ENTREP2: variants seen among roughly 807,000 people sequenced by gnomAD.
The protein encoded by ENTREP2 is protein ENTREP2.
the ENTREP2 span, among the ~76,000 whole-genome samples, chr15:29,141,602 C>A: frequency 6.6e-6 from 1 of 152,220 alleles, no homozygotes; most frequent in Non-Finnish European, 1.5e-5. Context: ...CTGCCCAGCA[C>A]CCACTCTCCC....
the ENTREP2 span, among the ~76,000 whole-genome samples, chr15:29,318,296 T>A: frequency 4.3e-4 from 65 of 149,500 alleles, 2 homozygotes; most frequent in African/African-American, 1.6e-3. Flanking sequence ...GAAGTATTTT[T>A]AAATTAAGGT....
At chr15:29,446,502 A>C in the ENTREP2 span, among the ~76,000 whole-genome samples, 1 of 152,232 alleles carries the variant, frequency 6.6e-6, no homozygotes, top group East Asian at 1.9e-4. Context: ...CAATACGCAC[A>C]GAGCAAAGCC....
chr15:29,598,841 C>A, the ENTREP2 span, among the ~76,000 whole-genome samples: 1 of 152,262 alleles, frequency 6.6e-6, no homozygotes, highest in East Asian at 1.9e-4. Flanking sequence ...GGACTACAGG[C>A]GCCCGCCACC....
chr15:29,159,276 C>T, the ENTREP2 span, among the ~76,000 whole-genome samples: 1 of 151,888 alleles, frequency 6.6e-6, no homozygotes, highest in Non-Finnish European at 1.5e-5. Context: ...TCTGAAGTTG[C>T]TCATTCCTCC....
chr15:29,217,123 G>A, the ENTREP2 span, among the ~76,000 whole-genome samples: 1 of 152,196 alleles, frequency 6.6e-6, no homozygotes, highest in Non-Finnish European at 1.5e-5. Flanking sequence ...ACAATTACAA[G>A]GTGATAGGCC....
the ENTREP2 span, among the ~76,000 whole-genome samples, chr15:29,138,922 G>C: frequency 6.6e-6 from 1 of 152,096 alleles, no homozygotes; most frequent in African/African-American, 2.4e-5. Flanking sequence ...CCCAGAACAG[G>C]TGAGCCAGGG....
At chr15:29,150,441 A>T in the ENTREP2 span, among the ~76,000 whole-genome samples, 3 of 152,242 alleles carry the variant, frequency 2.0e-5, no homozygotes, top group Admixed American at 6.5e-5. Context: ...TAGTTCTGTA[A>T]GTTTGGTCAA....
chr15:29,134,891 G>A, the ENTREP2 span, among the ~76,000 whole-genome samples: 2 of 152,158 alleles, frequency 1.3e-5, no homozygotes, highest in African/African-American at 4.8e-5. Context: ...CTGTGCTAGG[G>A]TGTCTTTACA....
At chr15:29,534,609 T>C in the ENTREP2 span, among the ~76,000 whole-genome samples, 1 of 152,208 alleles carries the variant, frequency 6.6e-6, no homozygotes, top group East Asian at 1.9e-4. Flanking sequence ...AAAATTCTTT[T>C]GAGGGCATGA....
chr15:29,346,758 C>A, the ENTREP2 span, among the ~76,000 whole-genome samples: 1 of 152,062 alleles, frequency 6.6e-6, no homozygotes, highest in Non-Finnish European at 1.5e-5. Context: ...AGTGAGTTTT[C>A]TTTTTTTAAA....
the ENTREP2 span, among the ~76,000 whole-genome samples, chr15:29,561,173 C>A: frequency 1.7e-4 from 25 of 150,142 alleles, no homozygotes; most frequent in Non-Finnish European, 2.5e-4. Context: ...ACAGCCATTA[C>A]GGAAAACAGC....
chr15:29,341,321 G>A, the ENTREP2 span, among the ~76,000 whole-genome samples: 4 of 152,126 alleles, frequency 2.6e-5, no homozygotes, highest in South Asian at 2.1e-4. Flanking sequence ...TTCAACATTC[G>A]ATCAGTTATT....
chr15:29,308,707 T>G, the ENTREP2 span, among the ~76,000 whole-genome samples: 1 of 152,346 alleles, frequency 6.6e-6, no homozygotes, highest in East Asian at 1.9e-4. Flanking sequence ...TAGAATGACG[T>G]TGAAGATGTT....
At chr15:29,572,446 T>C in the ENTREP2 span, among the ~76,000 whole-genome samples, 1 of 152,182 alleles carries the variant, frequency 6.6e-6, no homozygotes, top group South Asian at 2.1e-4. Flanking sequence ...CAGGAAGTTA[T>C]GTTCGCATTT....
At chr15:29,237,764 T>C in the ENTREP2 span, among the ~76,000 whole-genome samples, 2 of 151,198 alleles carry the variant, frequency 1.3e-5, no homozygotes, top group African/African-American at 4.9e-5. Flanking sequence ...TCTTAAATGA[T>C]TCAACTAGAG....
At chr15:29,548,207 T>C in the ENTREP2 span, among the ~76,000 whole-genome samples, 67,109 of 151,788 alleles carry the variant, frequency 0.44, 15,830 homozygotes, top group African/African-American at 0.62. Flanking sequence ...GTAGTCCCAG[T>C]GCTTTGGGAG....
At chr15:29,601,936 T>C in the ENTREP2 span, among the ~76,000 whole-genome samples, 2,243 of 152,322 alleles carry the variant, frequency 0.015, 74 homozygotes, top group African/African-American at 0.051. Flanking sequence ...CTGACTGTGG[T>C]GCGCATCTGT....
chr15:29,288,646 C>T, the ENTREP2 span, among the ~76,000 whole-genome samples: 1,580 of 152,306 alleles, frequency 0.01, 25 homozygotes, highest in African/African-American at 0.035. Flanking sequence ...AGCACAGTAA[C>T]GTGCTGTACA....
At chr15:29,285,817 A>C in the ENTREP2 span, among the ~76,000 whole-genome samples, 3 of 152,182 alleles carry the variant, frequency 2.0e-5, no homozygotes, top group African/African-American at 7.2e-5. Context: ...CCCAAACAAA[A>C]CATTAACAAA....
Sources: gnomAD v4.1 joint callset for allele counts (sites outside exome capture counted in the v4.1 genomes callset) on GRCh38, gnomAD v4.1.1 for gene constraint, MANE v1.5 for transcripts, NCBI Gene and HGNC (gene_info 2026-07-23, HGNC 2026-07-21) for gene names.